The following SPIRE2 variants were observed in gnomAD, a reference collection of about 807,000 sequenced individuals.
The protein encoded by SPIRE2 is protein spire homolog 2.
A neutral mutation model predicts 80.7 loss-of-function variants in SPIRE2; 76 were observed. That is an observed-to-expected ratio of 0.94 (90% CI 0.78 to 1.14). The LOEUF is 1.14. Ranked by LOEUF, SPIRE2 falls within the 50% of genes most tolerant of loss-of-function variation. SPIRE2 has a pLI of 0.00. For synonymous variants in SPIRE2, 535 were observed against 432.6 expected (o/e 1.24, Z -2.94); for missense variants, 1,196 against 1,015.3 (o/e 1.18, Z -2.42).
At chr16:89,854,460 G>T in intron 4 of SPIRE2, 27 bp from the exon 5 acceptor site, 1 of 1,611,422 alleles carries the variant, frequency 6.2e-7, no homozygotes, top group Non-Finnish European at 8.5e-7. Context: ...CTGGGGCTGA[G>T]ACCCATTCTC....
chr16:89,854,552 G>T lies in SPIRE2; in HGVS notation c.792G>T (p.Glu264Asp). ...GAGTGAAGCTGAAGAAGGTGCAAGA[G>T]CAGGAGTTCAACCCCCTCCCCACCG... ...RRGVKLKKVQ[E>D]QEFNPLPTEF... The change falls in exon 5 of 15, where the codon GAG becomes GAT. Residue 264 changes from glutamate to aspartate, a missense_variant. By Grantham distance (45) the Glu-to-Asp change is conservative. Coordinates refer to ENST00000378247, the MANE Select transcript of SPIRE2 (RefSeq NM_032451.2). The T allele has an allele frequency of 6.2e-7, 1 of 1,612,788 alleles. No homozygotes were observed.
At chr16:89,833,404 G>A (rs1185322196) in intron 1 of SPIRE2, among the ~76,000 whole-genome samples, 2 of 151,952 alleles carry the variant, frequency 1.3e-5, no homozygotes, top group African/African-American at 4.8e-5. Context: ...GGATTACAGG[G>A]TGAGCCACCG....
chr16:89,843,232 T>C (rs1056176874), intron 1 of SPIRE2, among the ~76,000 whole-genome samples: 22 of 152,180 alleles, frequency 1.4e-4, no homozygotes, highest in African/African-American at 4.3e-4. Context: ...CTGGCACTTA[T>C]CAGCCCTGAT....
At chr16:89,856,538 G>A (rs541224672) in intron 7 of SPIRE2, among the ~76,000 whole-genome samples, 241 of 151,950 alleles carry the variant, frequency 1.6e-3, no homozygotes, top group African/African-American at 5.4e-3. Context: ...TCCGCCCCCC[G>A]GGTTCAAGTG....
chr16:89,856,287 T>A (rs2041691593), intron 7 of SPIRE2, 51 bp downstream of exon 7: 1 of 1,526,308 alleles, frequency 6.6e-7, no homozygotes, highest in Non-Finnish European at 8.8e-7. Context: ...CGGCTGGGGT[T>A]CCCCCATTCC....
chr16:89,869,504 C>CA (rs2041820121), intron 13 of SPIRE2, 63 bp from the exon 14 acceptor site: 1 of 1,142,420 alleles, frequency 8.8e-7, no homozygotes, highest in East Asian at 2.4e-5. Flanking sequence ...GGTCCCCTAG[C>CA]ACTGAGTGTA....
intron 1 of SPIRE2, 104 bp from the exon 2 acceptor site, chr16:89,845,218 G>T: frequency 9.8e-7 from 1 of 1,021,700 alleles, no homozygotes; most frequent in Non-Finnish European, 1.5e-6. Context: ...CCGGCGGAGA[G>T]TGGGGCTGTG....
intron 13 of SPIRE2, among the ~76,000 whole-genome samples, chr16:89,869,053 A>AAAATATAT: frequency 4.2e-5 from 1 of 24,036 alleles, no homozygotes; most frequent in African/African-American, 1.6e-4. Context: ...AAAAAAAAAA[A>AAAATATAT]ATATATATAT....
Position 89,863,233 on chromosome 16 carries a change from G to C in SPIRE2, c.1576-243G>C, listed in dbSNP as rs755629200. On this transcript the variant is annotated intron_variant, in intron 10 of 14. Coordinates refer to ENST00000378247, the MANE Select transcript of SPIRE2 (RefSeq NM_032451.2). The surrounding 1 kb of genome is among the most constrained non-coding windows in gnomAD (Gnocchi z 4.3). ...GCTGAGGGGAGTTTGTGTGGAGCGT[G>C]GCCAGTGAAGGCTGGGCTGGCCGGC... 8.0e-5 allele frequency: 45 copies of C among 560,900 alleles called. 1 individual carries two copies. In the Middle Eastern group the frequency reaches 1.4e-3, roughly 17 times the overall value. 34.7% of individuals were successfully genotyped at this position (560,900 alleles called of 1,614,324 possible).
Position 89,855,660 on chromosome 16 carries a change from A to C in SPIRE2, c.952A>C (p.Ile318Leu), listed in dbSNP as rs1285428230. The C allele has an allele frequency of 1.9e-6, 3 of 1,612,484 alleles. No homozygotes were observed. The highest frequency in any genetic ancestry group is 1.3e-5 in the African/African-American group (1 of 74,818). ...KDAHELILDF[I>L]RSRPPLKQVS... The stretch of plus-strand genomic sequence containing the variant: ...CGCTCACGAGCTCATCCTGGACTTT[A>C]TCCGCTCACGGCCTCCACTGAAGCA... The change falls in exon 6 of 15, where the codon ATC becomes CTC. Residue 318 changes from isoleucine to leucine, a missense_variant. Physicochemically the swap from Ile to Leu is conservative, Grantham distance 5 (BLOSUM62 2). Transcript: ENST00000378247.
At position 89,854,641 on chromosome 16, in the gene SPIRE2, G is replaced by T; in HGVS notation, c.881G>T (p.Arg294Leu). 6.4e-7 allele frequency: 1 copy of T among 1,569,914 alleles called. No individual in the cohort carries two copies. The highest frequency in any genetic ancestry group is 8.7e-7 in the Non-Finnish European group (1 of 1,151,610). ...QDIRARNYKL[R>L]KVMVDGDIPP... ...ATCCGGGCCCGGAACTACAAGCTGC[G>T]CAAGGTCATGGTGAGCGGGGCAGAC... The change falls in exon 5 of 15, where the codon CGC (arginine) becomes CTC (leucine). Residue 294 changes from arginine (R) to leucine (L), a missense_variant. Coordinates refer to ENST00000378247, the MANE Select transcript of SPIRE2 (RefSeq NM_032451.2).
chr16:89,851,992 C>T (rs1466296335), intron 3 of SPIRE2, among the ~76,000 whole-genome samples: 3 of 150,928 alleles, frequency 2.0e-5, no homozygotes, highest in Admixed American at 6.6e-5. Context: ...GCAGCCCAAG[C>T]GTGTGCCAAG....
rs566438224 is a variant in SPIRE2 at position 89,844,532 on chromosome 16, G to A, written c.245-790G>A. On this transcript the variant is annotated intron_variant, in intron 1 of 14. Coordinates refer to ENST00000378247, the MANE Select transcript of SPIRE2 (RefSeq NM_032451.2). ...CGGCTCACTGCAAGCTCTGCCTCCT[G>A]GGTTCACGCCATTCTCCTGCATCAC... Among the ~76,000 whole-genome samples the A allele has an allele frequency of 6.9e-4, 105 of 151,568 alleles. 1 individual carries two copies. The highest frequency in any genetic ancestry group is 2.5e-3 in the African/African-American group (102 of 41,294).
At chr16:89,861,831 C>T (rs1303037003) in intron 10 of SPIRE2, 1 of 152,194 alleles carries the variant, frequency 6.6e-6, no homozygotes, top group Non-Finnish European at 1.5e-5. Flanking sequence ...TTGGGGATCC[C>T]CACAGCGTGG....
In SPIRE2 at chr16:89,863,520, G is replaced by C; in HGVS notation, c.1620G>C (p.Glu540Asp). The C allele has an allele frequency of 1.9e-6, 3 of 1,614,096 alleles. No homozygotes were observed. The highest frequency in any genetic ancestry group is 2.5e-6 in the Non-Finnish European group (3 of 1,180,030). The change falls in exon 11 of 15, where the codon GAG becomes GAC. Residue 540 changes from glutamate to aspartate, a missense_variant. Physicochemically the swap from Glu to Asp is conservative, Grantham distance 45. Coordinates refer to ENST00000378247, the MANE Select transcript of SPIRE2 (RefSeq NM_032451.2). This position sits in a 1 kb window ranked among gnomAD's most constrained non-coding sequence, Gnocchi z 4.3. ...AGAGCCTGGCGCTGACTGTGGAAGA[G>C]GTGATGGACGTGCGCCGTGTGCTGG... is the stretch of plus-strand genomic sequence containing the variant. ...PVESLALTVEEVMDVRRVLVK... is the reference protein window; with the variant it reads ...PVESLALTVEDVMDVRRVLVK...
chr16:89,856,836 G>C (rs1394547074), intron 7 of SPIRE2, among the ~76,000 whole-genome samples: 1 of 151,830 alleles, frequency 6.6e-6, no homozygotes, highest in African/African-American at 2.4e-5. Flanking sequence ...TGAGGCGGGA[G>C]GATCACTTGA....
intron 1 of SPIRE2, among the ~76,000 whole-genome samples, chr16:89,838,734 G>C (rs979694159): frequency 4.6e-5 from 7 of 152,178 alleles, no homozygotes; most frequent in African/African-American, 1.7e-4. Context: ...GTGCAATGAA[G>C]GGTGTCCAAC....
chr16:89,839,655 G>A (rs1383035540), intron 1 of SPIRE2, among the ~76,000 whole-genome samples: 4 of 152,356 alleles, frequency 2.6e-5, no homozygotes, highest in Non-Finnish European at 2.9e-5. Flanking sequence ...CACAGTCAGC[G>A]TTTAAGCAGC....
intron 7 of SPIRE2, among the ~76,000 whole-genome samples, chr16:89,857,139 T>C (rs1488470932): frequency 2.7e-5 from 4 of 148,002 alleles, no homozygotes; most frequent in African/African-American, 9.9e-5. Flanking sequence ...CCTATATCTT[T>C]TTTTTTTTTT....
Sources: gnomAD v4.1 joint callset for allele counts (sites outside exome capture counted in the v4.1 genomes callset) on GRCh38, gnomAD v4.1.1 for gene constraint, Gnocchi (gnomAD v3.1) non-coding constraint, MANE v1.5 for transcripts, NCBI Gene and HGNC (gene_info 2026-07-23, HGNC 2026-07-21) for gene names.